Variants in ARB2A observed in about 807,000 individuals in gnomAD.
The protein encoded by ARB2A is cotranscriptional regulator ARB2A.
the ARB2A span, among the ~76,000 whole-genome samples, chr5:93,883,647 T>A: frequency 6.6e-6 from 1 of 151,400 alleles, no homozygotes; most frequent in Non-Finnish European, 1.5e-5. Flanking sequence ...TCTTACAACT[T>A]TTCACGCCCT....
chr5:93,961,609 AG>A, the ARB2A span, among the ~76,000 whole-genome samples: 1,617 of 152,082 alleles, frequency 0.011, 13 homozygotes, highest in Non-Finnish European at 0.014. Context: ...GCTTGAGGCC[AG>A]GAAGTCAAGG....
the ARB2A span, among the ~76,000 whole-genome samples, chr5:93,958,549 T>C: frequency 6.6e-6 from 1 of 152,008 alleles, no homozygotes; most frequent in African/African-American, 2.4e-5. Context: ...TTTAGAAAAA[T>C]AATTCACTCA....
chr5:93,720,408 T>C, the ARB2A span, among the ~76,000 whole-genome samples: 11 of 152,196 alleles, frequency 7.2e-5, no homozygotes, highest in Non-Finnish European at 1.5e-4. Context: ...ACCTAATCTA[T>C]AGTTCAGGGT....
At chr5:94,098,904 T>G in the ARB2A span, among the ~76,000 whole-genome samples, 2 of 152,088 alleles carry the variant, frequency 1.3e-5, no homozygotes, top group Non-Finnish European at 2.9e-5. Context: ...CCTGGACACA[T>G]GTACCCTCCC....
At chr5:93,952,452 A>C in the ARB2A span, among the ~76,000 whole-genome samples, 14 of 152,144 alleles carry the variant, frequency 9.2e-5, no homozygotes, top group Non-Finnish European at 1.8e-4. Flanking sequence ...TTCTAGGGTA[A>C]AAGGATTTTT....
chr5:94,100,439 T>C, the ARB2A span, among the ~76,000 whole-genome samples: 1 of 152,150 alleles, frequency 6.6e-6, no homozygotes, highest in East Asian at 1.9e-4. Context: ...AAAAAATTAT[T>C]TTAAAATTTT....
the ARB2A span, among the ~76,000 whole-genome samples, chr5:93,776,953 T>C: frequency 1.2e-4 from 18 of 152,252 alleles, no homozygotes; most frequent in South Asian, 1.9e-3. Flanking sequence ...AATGTGAATA[T>C]TCAAGAAAGA....
chr5:93,934,462 CAAGTG>C, the ARB2A span, among the ~76,000 whole-genome samples: 2 of 152,148 alleles, frequency 1.3e-5, no homozygotes, highest in East Asian at 3.8e-4. Context: ...TCCTTCCATG[CAAGTG>C]AAGGAATGAC....
chr5:93,954,195 A>C, the ARB2A span, among the ~76,000 whole-genome samples: 2 of 152,064 alleles, frequency 1.3e-5, no homozygotes, highest in African/African-American at 4.8e-5. Context: ...AAACAGAAGG[A>C]ATCTTTCACC....
chr5:93,897,659 C>T, the ARB2A span, among the ~76,000 whole-genome samples: 1 of 151,760 alleles, frequency 6.6e-6, no homozygotes, highest in East Asian at 1.9e-4. Context: ...ATATTGGCTT[C>T]AATTTTATTC....
At chr5:94,075,772 T>C in the ARB2A span, among the ~76,000 whole-genome samples, 1 of 152,160 alleles carries the variant, frequency 6.6e-6, no homozygotes, top group African/African-American at 2.4e-5. Flanking sequence ...GAAAATACTT[T>C]TTAAAAAACT....
the ARB2A span, among the ~76,000 whole-genome samples, chr5:93,864,310 G>A: frequency 0.024 from 3,644 of 152,204 alleles, 72 homozygotes; most frequent in Middle Eastern, 0.051. Context: ...ATTTGGTGGA[G>A]GAGGTGAAAG....
At chr5:93,950,531 G>A in the ARB2A span, among the ~76,000 whole-genome samples, 3 of 151,706 alleles carry the variant, frequency 2.0e-5, no homozygotes, top group African/African-American at 4.8e-5. Context: ...TAATCCCAAC[G>A]ACTCGGGAGG....
At chr5:93,880,698 T>A in the ARB2A span, among the ~76,000 whole-genome samples, 1 of 151,718 alleles carries the variant, frequency 6.6e-6, no homozygotes, top group Non-Finnish European at 1.5e-5. Context: ...ATAGTATGCA[T>A]GTCAACATTC....
the ARB2A span, among the ~76,000 whole-genome samples, chr5:94,013,149 G>C: frequency 1.3e-5 from 2 of 149,554 alleles, no homozygotes; most frequent in Non-Finnish European, 3.0e-5. Flanking sequence ...TAAATCTCAT[G>C]AACAGAGACA....
At chr5:93,851,108 G>A in the ARB2A span, among the ~76,000 whole-genome samples, 5 of 151,796 alleles carry the variant, frequency 3.3e-5, no homozygotes, top group East Asian at 5.8e-4. Context: ...TATATTTCAG[G>A]GACTGTTATA....
At chr5:93,761,949 A>C in the ARB2A span, among the ~76,000 whole-genome samples, 1 of 152,198 alleles carries the variant, frequency 6.6e-6, no homozygotes, top group South Asian at 2.1e-4. Flanking sequence ...CAGGGTCTGG[A>C]GTAGACCTCC....
the ARB2A span, among the ~76,000 whole-genome samples, chr5:93,660,559 A>G: frequency 2.0e-5 from 3 of 152,188 alleles, no homozygotes; most frequent in Non-Finnish European, 2.9e-5. Context: ...GGATAGAATG[A>G]AAGTTTGTGC....
chr5:94,105,448 C>T, the ARB2A span, among the ~76,000 whole-genome samples: 6 of 151,930 alleles, frequency 3.9e-5, no homozygotes, highest in African/African-American at 9.7e-5. Flanking sequence ...AAGAGCTCTA[C>T]GATGAGAATT....
Sources: gnomAD v4.1 joint callset for allele counts (sites outside exome capture counted in the v4.1 genomes callset) on GRCh38, gnomAD v4.1.1 for gene constraint, MANE v1.5 for transcripts, NCBI Gene and HGNC (gene_info 2026-07-23, HGNC 2026-07-21) for gene names.